Variants in GPD2 observed in about 807,000 individuals in gnomAD.
The protein encoded by GPD2 is glycerol-3-phosphate dehydrogenase 2, also known as glycerol-3-phosphate dehydrogenase, mitochondrial.
GPD2 carries 54 observed loss-of-function variants against 82.4 expected under a neutral mutation model. The ratio of observed to expected loss-of-function variants is 0.66; its 90% CI spans 0.53 to 0.82. GPD2 has a LOEUF of 0.82. Among genes scored for constraint, GPD2 ranks in the 40% least tolerant of loss-of-function variants. The pLI, the probability that GPD2 is intolerant of heterozygous loss-of-function variation, is 0.00. For synonymous variants in GPD2, 288 were observed against 306.1 expected (o/e 0.94, Z 0.62); for missense variants, 748 against 896.2 (o/e 0.83, Z 2.11).
At position 156,582,969 on chromosome 2, in the gene GPD2, T is replaced by C. The variant is rs1001024864; in HGVS notation, c.*51T>C. The C allele has an allele frequency of 1.9e-6, 3 of 1,599,916 alleles. No homozygotes were observed. Among genetic ancestry groups the C allele is most frequent in the Non-Finnish European group, 1.7e-6 (2 of 1,168,130 alleles). ...CAAACATAGAAACGACAAATCACCA[T>C]GTAACAACCAGAGATGACTGAAACC... On this transcript the variant is annotated 3_prime_UTR_variant, in exon 17 of 17. Coordinates refer to ENST00000438166, the MANE Select transcript of GPD2 (RefSeq NM_000408.5).
In GPD2 at chr2:156,582,819, G is replaced by A. The variant is rs767588356; in HGVS notation, c.2085G>A (p.Arg695=). ...TGATGAGTGCTATTCAAAAAGGAAG[G>A]GTATCTGGAAGCCGGCTTGCTATAC... is the stretch of plus-strand genomic sequence containing the variant. ...LQLMSAIQKG[R]VSGSRLAILM... Residue 695 remains arginine, a synonymous_variant, in exon 17 of 17, where the codon AGG becomes AGA. Coordinates refer to ENST00000438166, the MANE Select transcript of GPD2 (RefSeq NM_000408.5). 6 of 1,612,946 alleles carry A rather than the reference G, an allele frequency of 3.7e-6. No individual in the cohort carries two copies. The Admixed American group carries it at 6.7e-5, about 18-fold the overall frequency.
chr2:156,413,129 T>C, the GPD2 span, among the ~76,000 whole-genome samples: 30,027 of 151,884 alleles, frequency 0.2, 3,361 homozygotes, highest in Non-Finnish European at 0.25. Flanking sequence ...AGATGAGCAA[T>C]GTGTTAAGAG....
chr2:156,451,396 C>A (rs1434792754), intron 1 of GPD2, among the ~76,000 whole-genome samples: 3 of 143,506 alleles, frequency 2.1e-5, no homozygotes, highest in Non-Finnish European at 3.1e-5. Context: ...ACCTCCCGGA[C>A]GGGGCAGCTG....
chr2:156,516,895 T>C (rs1340634022), intron 6 of GPD2, among the ~76,000 whole-genome samples: 1 of 152,266 alleles, frequency 6.6e-6, no homozygotes, highest in Non-Finnish European at 1.5e-5. Flanking sequence ...GCCATTAATA[T>C]GGACCAGGCA....
chr2:156,553,447 A>G (rs1686840676), intron 8 of GPD2, among the ~76,000 whole-genome samples: 2 of 152,212 alleles, frequency 1.3e-5, no homozygotes, highest in Admixed American at 1.3e-4. Flanking sequence ...CAAACTATGA[A>G]AATAAAACAT....
chr2:156,499,243 C>T (rs1051125999), intron 3 of GPD2, among the ~76,000 whole-genome samples: 3 of 151,846 alleles, frequency 2.0e-5, no homozygotes, highest in East Asian at 1.9e-4. Flanking sequence ...ATTTATTATC[C>T]ACATGAGACA....
upstream of GPD2, among the ~76,000 whole-genome samples, chr2:156,436,152 C>T (rs1688420188): frequency 6.6e-6 from 1 of 152,210 alleles, no homozygotes. Context: ...CTTTTCCCTC[C>T]CACACCCCCG....
At chr2:156,490,299 T>C (rs946533019) in intron 2 of GPD2, among the ~76,000 whole-genome samples, 13 of 151,992 alleles carry the variant, frequency 8.6e-5, no homozygotes, top group Non-Finnish European at 1.6e-4. Context: ...CCTGTCATAA[T>C]TATAAGTAGG....
At chr2:156,445,536 T>C (rs1339725382) in intron 1 of GPD2, among the ~76,000 whole-genome samples, 1 of 152,228 alleles carries the variant, frequency 6.6e-6, no homozygotes, top group Non-Finnish European at 1.5e-5. Context: ...ACATTGCTTA[T>C]GATTTGACTT....
Position 156,582,775 on chromosome 2 carries a change from G to A in GPD2, c.2059-18G>A, listed in dbSNP as rs1176297676. The A allele has an allele frequency of 1.2e-6, 2 of 1,612,088 alleles. No individual in the cohort carries two copies. The highest frequency in any genetic ancestry group is 2.7e-5 in the African/African-American group (2 of 74,834). ...AGTTGGCCTGCGTTCTGAATCTGTT[G>A]CATATTTTCTCTTTAAGCTGATGAG... On this transcript the variant is annotated intron_variant, in intron 16 of 16. Transcript: ENST00000438166.
intron 1 of GPD2, among the ~76,000 whole-genome samples, chr2:156,444,089 T>C (rs72893377): frequency 0.041 from 6,246 of 152,294 alleles, 160 homozygotes; most frequent in Middle Eastern, 0.071. Flanking sequence ...ACTGGATGAA[T>C]TTGAAGTCCA....
rs191398710 is a variant in GPD2 at position 156,580,607 on chromosome 2, T to C, written c.2058+819T>C. 2.6e-5 allele frequency among the ~76,000 whole-genome samples: 4 copies of C among 152,292 alleles called. No homozygotes were observed. The East Asian group carries it at 7.7e-4, about 29-fold the overall frequency. On this transcript the variant is annotated intron_variant, in intron 16 of 16. Coordinates refer to ENST00000438166, the MANE Select transcript of GPD2 (RefSeq NM_000408.5). ...CCAGGTCTTGCTTGCACCATGGCAA[T>C]GATGAATGCTGAACATGAAATAAAT... is the stretch of plus-strand genomic sequence containing the variant.
At chr2:156,422,848 A>G in the GPD2 span, among the ~76,000 whole-genome samples, 3 of 152,206 alleles carry the variant, frequency 2.0e-5, no homozygotes, top group Non-Finnish European at 4.4e-5. Flanking sequence ...GAGGATTTAC[A>G]GGACATTATA....
At chr2:156,512,634 G>T (rs1358558207) in intron 5 of GPD2, among the ~76,000 whole-genome samples, 1 of 152,184 alleles carries the variant, frequency 6.6e-6, no homozygotes, top group East Asian at 1.9e-4. Flanking sequence ...AGAGGATCAT[G>T]TGCAGACTGT....
In GPD2 at chr2:156,496,222, CTT is replaced by C. The variant is rs55843224; in HGVS notation, c.274+18_274+19del. Reference sequence around the variant, plus strand: ...CTAGATGCTGTCACCAGAGGTAAGTCTTTTTTTTTTTTATTTTAATTTTAAGT... The same window carrying C: ...CTAGATGCTGTCACCAGAGGTAAGTCTTTTTTTTTTATTTTAATTTTAAGT... On this transcript the variant is annotated splice_region_variant and intron_variant, in intron 3 of 16. Transcript: ENST00000438166. The C allele has an allele frequency of 5.7e-4, 769 of 1,341,160 alleles. No homozygotes were observed. Among genetic ancestry groups the C allele is most frequent in the Non-Finnish European group, 6.8e-4 (657 of 965,390 alleles). The allele number at this position is 1,341,160 out of a possible 1,614,324, so 83.1% of individuals were successfully genotyped here.
chr2:156,483,117 A>G (rs189606157), intron 2 of GPD2, among the ~76,000 whole-genome samples: 1 of 151,958 alleles, frequency 6.6e-6, no homozygotes, highest in East Asian at 1.9e-4. Context: ...CAAGAAGCAA[A>G]AAACAAAAAA....
rs1687876653 is a variant in GPD2, at chr2:156,577,737, T to C, written c.1768-1152T>C. Among the ~76,000 whole-genome samples the C allele has an allele frequency of 2.0e-5, 3 of 152,314 alleles. No homozygotes were observed. In the South Asian group the frequency reaches 6.2e-4, roughly 32 times the overall value. Reference sequence around the variant, plus strand: ...CTCAATAACAGTCAATTTCAAAATCTCAGTGGCTCATCGCAGCAAGCATTT... The same window carrying C: ...CTCAATAACAGTCAATTTCAAAATCCCAGTGGCTCATCGCAGCAAGCATTT... On this transcript the variant is annotated intron_variant, in intron 13 of 16. Transcript: ENST00000438166.
rs1685066629 is a variant in GPD2, at chr2:156,513,238, G to GT, written c.498-90dup. ...TGCAGTCCACTTCTAGGTATGCTTT[G>GT]TTTTTCTTAAATGAAAGTGTCTTGT... is the stretch of plus-strand genomic sequence containing the variant. On this transcript the variant is annotated intron_variant, in intron 5 of 16. Transcript: ENST00000438166. 1.5e-5 allele frequency: 14 copies of GT among 953,180 alleles called. No individual in the cohort carries two copies. In the South Asian group the frequency reaches 1.8e-4, roughly 12 times the overall value. 59.0% of individuals were successfully genotyped at this position (953,180 alleles called of 1,614,324 possible). A position where few individuals can be genotyped will look rare whatever the true frequency, so the allele number is the denominator to read the frequency against.
chr2:156,560,103 C>A (rs2105349631), intron 9 of GPD2, among the ~76,000 whole-genome samples: 1 of 152,270 alleles, frequency 6.6e-6, no homozygotes, highest in Middle Eastern at 3.4e-3. Flanking sequence ...TCTTAAAGTT[C>A]AAATGCAGCG....
Sources: gnomAD v4.1 joint callset for allele counts (sites outside exome capture counted in the v4.1 genomes callset) on GRCh38, gnomAD v4.1.1 for gene constraint, MANE v1.5 for transcripts, NCBI Gene and HGNC (gene_info 2026-07-23, HGNC 2026-07-21) for gene names.